The following CCDC85C variants were observed in gnomAD, a reference collection of about 807,000 sequenced individuals.
The protein encoded by CCDC85C is coiled-coil domain-containing protein 85C.
A neutral mutation model predicts 38.3 loss-of-function variants in CCDC85C; 18 were observed. That is an observed-to-expected ratio of 0.47 (90% CI 0.33 to 0.70). The LOEUF (loss-of-function observed/expected upper bound fraction) is 0.70, where lower values mean the gene tolerates loss of function less well. Ranked by LOEUF, CCDC85C falls within the 30% of genes least tolerant of loss-of-function variation. CCDC85C has a pLI of 0.03. For missense variants in CCDC85C, 566 were observed against 621.2 expected (o/e 0.91, Z 0.94); for synonymous variants, 264 against 293.8 (o/e 0.90, Z 1.04).
At position 99,502,896 on chromosome 14, in the gene CCDC85C, A is replaced by G; in HGVS notation, c.*12350T>C. The G allele has an allele frequency of 6.2e-7, 1 of 1,613,488 alleles. No homozygotes were observed. The stretch of plus-strand genomic sequence containing the variant: ...TCCCAGCCCCAGCAGAAGGACCCCC[A>G]GCAACCAGCCCAGCAGCAGCAGCCA... On this transcript the variant is annotated 3_prime_UTR_variant, in exon 6 of 6. Transcript: ENST00000380243.
chr14:99,570,943 C>T (rs1319941298), intron 1 of CCDC85C, among the ~76,000 whole-genome samples: 1 of 152,132 alleles, frequency 6.6e-6, no homozygotes, highest in Non-Finnish European at 1.5e-5. Flanking sequence ...GCAACCCACC[C>T]CTGCCTCCCA....
chr14:99,553,358 GTT>G (rs5810958), intron 1 of CCDC85C, among the ~76,000 whole-genome samples: 5 of 150,696 alleles, frequency 3.3e-5, no homozygotes, highest in Admixed American at 3.3e-4. Context: ...TCCCTGTGTG[GTT>G]TTTTTTTTGT....
intron 1 of CCDC85C, among the ~76,000 whole-genome samples, chr14:99,550,890 A>G (rs1897894383): frequency 6.6e-6 from 1 of 152,028 alleles, no homozygotes; most frequent in Non-Finnish European, 1.5e-5. Flanking sequence ...CTCCTCCAAT[A>G]TACGACTGCT....
At position 99,522,221 on chromosome 14, in the gene CCDC85C, A is replaced by C; in HGVS notation, c.887T>G (p.Phe296Cys). The C allele has an allele frequency of 6.5e-7, 1 of 1,549,652 alleles. No homozygotes were observed. The highest frequency in any genetic ancestry group is 8.7e-7 in the Non-Finnish European group (1 of 1,146,828). ...CGAGAAGCCTTTCCGCAGCGTGCGG[A>C]ACTCTCCGGAGCCTGCCTGCTGCAG... The part of the protein sequence containing the change: ...LLAQQAGSGE[F>C]RTLRKGFSPY... Residue 296 changes from phenylalanine (F) to cysteine (C), a missense_variant, in exon 3 of 6, where the codon TTC becomes TGC. Coordinates refer to ENST00000380243, the MANE Select transcript of CCDC85C (RefSeq NM_001144995.2).
At chr14:99,600,543 C>G (rs1210673552) in intron 1 of CCDC85C, among the ~76,000 whole-genome samples, 1 of 152,214 alleles carries the variant, frequency 6.6e-6, no homozygotes, top group African/African-American at 2.4e-5. Context: ...AACATGACAA[C>G]AGACCAAGGG....
chr14:99,516,206 G>T lies in CCDC85C; in HGVS notation c.1152C>A (p.Ile384=), dbSNP rs367673467. 2.9e-5 allele frequency: 45 copies of T among 1,551,128 alleles called. No homozygotes were observed. In the African/African-American group the frequency reaches 4.9e-4, roughly 17 times the overall value. The part of the protein sequence containing the change: ...EEDLSEKEKA[I]VREMCNVVWR... ...GCCTCACGTTGCACATCTCGCGAAC[G>T]ATGGCCTTCTCCTTCTCACTCAGGT... Residue 384 remains isoleucine (I), a synonymous_variant, in exon 5 of 6, where the codon ATC becomes ATA. Transcript: ENST00000380243. This position sits in a 1 kb window ranked among gnomAD's most constrained non-coding sequence, Gnocchi z 5.5.
In CCDC85C at chr14:99,513,294, CG is replaced by C. The variant is rs777932052; in HGVS notation, c.*1951del. The C allele has an allele frequency of 1.1e-4, 16 of 152,346 alleles. No homozygotes were observed. Among genetic ancestry groups the C allele is most frequent in the Middle Eastern group, 3.4e-3 (1 of 294 alleles). 9.4% of individuals were successfully genotyped at this position (152,346 alleles called of 1,614,324 possible). The stretch of plus-strand genomic sequence containing the variant: ...GACCCACAGCCCTTGGGCTACTCTG[CG>C]GTTCTTTGGACTGCAAGACCCAGAG... On this transcript the variant is annotated 3_prime_UTR_variant, in exon 6 of 6. Coordinates refer to ENST00000380243, the MANE Select transcript of CCDC85C (RefSeq NM_001144995.2).
intron 1 of CCDC85C, among the ~76,000 whole-genome samples, chr14:99,596,143 C>T (rs1025976240): frequency 2.0e-5 from 3 of 152,176 alleles, no homozygotes; most frequent in African/African-American, 7.2e-5. Flanking sequence ...CAGGGGTTTC[C>T]GGCTCTCCCG....
intron 2 of CCDC85C, among the ~76,000 whole-genome samples, chr14:99,523,394 C>T (rs995942958): frequency 5.9e-5 from 9 of 152,214 alleles, no homozygotes; most frequent in Non-Finnish European, 8.8e-5. Context: ...TGTGTTCTCC[C>T]AGCCCCATCA....
Position 99,503,364 on chromosome 14 carries a change from C to T in CCDC85C, c.*11882G>A. The stretch of plus-strand genomic sequence containing the variant: ...AAGTGGTCCTGAAACTTAGTGTTTA[C>T]TCAGAACTCACCATTCAGGAAAGCT... On this transcript the variant is annotated 3_prime_UTR_variant, in exon 6 of 6. Coordinates refer to ENST00000380243, the MANE Select transcript of CCDC85C (RefSeq NM_001144995.2). 4 of 603,356 alleles carry T rather than the reference C, an allele frequency of 6.6e-6. No individual in the cohort carries two copies. Among genetic ancestry groups the T allele is most frequent in the Non-Finnish European group, 1.2e-5 (4 of 339,134 alleles). The allele number at this position is 603,356 out of a possible 1,614,324, so 37.4% of individuals were successfully genotyped here. A position where few individuals can be genotyped will look rare whatever the true frequency, so the allele number is the denominator to read the frequency against.
rs1371503435 is a variant in CCDC85C at position 99,504,756 on chromosome 14, T to C, written c.*10490A>G. ...TGAGCCACCGTGCCCAGCCTACAGGTGAATTTTTTAATTAGCTTCAAATTG... is the reference window on the plus strand; with the variant it reads ...TGAGCCACCGTGCCCAGCCTACAGGCGAATTTTTTAATTAGCTTCAAATTG... On this transcript the variant is annotated 3_prime_UTR_variant, in exon 6 of 6. Transcript: ENST00000380243. 2.0e-5 allele frequency: 3 copies of C among 152,146 alleles called. No homozygotes were observed. The highest frequency in any genetic ancestry group is 7.2e-5 in the African/African-American group (3 of 41,412). The allele number at this position is 152,146 out of a possible 1,614,324, so 9.4% of individuals were successfully genotyped here. A position where few individuals can be genotyped will look rare whatever the true frequency, so the allele number is the denominator to read the frequency against.
intron 1 of CCDC85C, among the ~76,000 whole-genome samples, chr14:99,593,566 C>G (rs1335520274): frequency 6.6e-6 from 1 of 152,226 alleles, no homozygotes; most frequent in African/African-American, 2.4e-5. Context: ...TCCACAGCCT[C>G]GCCAAAGCCA....
chr14:99,542,099 G>C (rs1897724941), intron 1 of CCDC85C, among the ~76,000 whole-genome samples: 2 of 152,214 alleles, frequency 1.3e-5, no homozygotes, highest in African/African-American at 4.8e-5. Flanking sequence ...CACCTCCATG[G>C]GCCCTGTGCA....
chr14:99,578,428 C>T (rs1336324178), intron 1 of CCDC85C, among the ~76,000 whole-genome samples: 1 of 152,188 alleles, frequency 6.6e-6, no homozygotes, highest in East Asian at 1.9e-4. Flanking sequence ...ACCCATACAG[C>T]CCACACCTAT....
Position 99,535,134 on chromosome 14 carries a change from C to T in CCDC85C, c.867+881G>A, listed in dbSNP as rs565363336. 7.8e-5 allele frequency: 14 copies of T among 178,860 alleles called. No homozygotes were observed. In the South Asian group the frequency reaches 1.5e-3, roughly 19 times the overall value. The allele number at this position is 178,860 out of a possible 1,614,324, so 11.1% of individuals were successfully genotyped here. On this transcript the variant is annotated intron_variant, in intron 2 of 5. Transcript: ENST00000380243. The surrounding 1 kb of genome is among the most constrained non-coding windows in gnomAD (Gnocchi z 5.5). ...CCGTGGAATTCCTGAGCTGGGCAGT[C>T]GGCACCAAGCCTGGCTGGTCACCTA... is the stretch of plus-strand genomic sequence containing the variant.
In CCDC85C at chr14:99,509,424, G is replaced by C. The variant is rs903564648; in HGVS notation, c.*5822C>G. On this transcript the variant is annotated 3_prime_UTR_variant, in exon 6 of 6. Coordinates refer to ENST00000380243, the MANE Select transcript of CCDC85C (RefSeq NM_001144995.2). ...TGGGTTGGGAGGCGCTGTGGGAGGG[G>C]CCTGAGGCTGGTTCTGAGCACGAGT... 1 of 152,300 alleles carries C rather than the reference G, an allele frequency of 6.6e-6. No homozygotes were observed. The highest frequency in any genetic ancestry group is 2.4e-5 in the African/African-American group (1 of 41,416). 9.4% of individuals were successfully genotyped at this position (152,300 alleles called of 1,614,324 possible).
intron 1 of CCDC85C, among the ~76,000 whole-genome samples, chr14:99,560,736 G>A (rs1274392387): frequency 6.6e-6 from 1 of 152,236 alleles, no homozygotes. Context: ...TTGAGGGCAG[G>A]GAAACAGGTG....
intron 2 of CCDC85C, chr14:99,522,879 G>A (rs9788486): frequency 0.87 from 132,978 of 152,228 alleles, 60,222 homozygotes; most frequent in East Asian, 1. Flanking sequence ...CTTTGCTTAA[G>A]AGCAAAGCAA....
At position 99,506,813 on chromosome 14, in the gene CCDC85C, G is replaced by C. The variant is rs190095160; in HGVS notation, c.*8433C>G. 1 of 446,342 alleles carries C rather than the reference G, an allele frequency of 2.2e-6. No homozygotes were observed. Among genetic ancestry groups the C allele is most frequent in the African/African-American group, 2.0e-5 (1 of 50,024 alleles). 27.6% of individuals were successfully genotyped at this position (446,342 alleles called of 1,614,324 possible). On this transcript the variant is annotated 3_prime_UTR_variant, in exon 6 of 6. Coordinates refer to ENST00000380243, the MANE Select transcript of CCDC85C (RefSeq NM_001144995.2). ...ATGGTCGGAAGGACTTGAGTGAAGT[G>C]GTCAGCAAGGAAACTTAGGTAGACA...
Sources: gnomAD v4.1 joint callset for allele counts (sites outside exome capture counted in the v4.1 genomes callset) on GRCh38, gnomAD v4.1.1 for gene constraint, Gnocchi (gnomAD v3.1) non-coding constraint, MANE v1.5 for transcripts, NCBI Gene and HGNC (gene_info 2026-07-23, HGNC 2026-07-21) for gene names.